Variants in APLF observed in about 807,000 individuals in gnomAD.
APLF encodes the protein aprataxin and PNK-like factor.
APLF carries 61 observed loss-of-function variants against 55.6 expected under a neutral mutation model. The ratio of observed to expected loss-of-function variants is 1.10; its 90% CI spans 0.89 to 1.36. The LOEUF is 1.36. Ranked by LOEUF, APLF falls within the 40% of genes most tolerant of loss-of-function variation. The pLI is 0.00. For synonymous variants in APLF, 207 were observed against 214.8 expected (o/e 0.96, Z 0.32); for missense variants, 611 against 602.5 (o/e 1.01, Z -0.15).
At chr2:68,500,327 A>T (rs1676681846) in intron 2 of APLF, among the ~76,000 whole-genome samples, 1 of 152,214 alleles carries the variant, frequency 6.6e-6, no homozygotes, top group African/African-American at 2.4e-5. Flanking sequence ...GACCATACTC[A>T]TGGGTTCACT....
intron 1 of APLF, among the ~76,000 whole-genome samples, chr2:68,488,505 T>G (rs1676257081): frequency 1.3e-5 from 2 of 151,774 alleles, no homozygotes; most frequent in African/African-American, 4.9e-5. Context: ...CCAGCTAATT[T>G]TTTACTTTAT....
At chr2:68,527,021 G>A (rs1489161314) in intron 6 of APLF, among the ~76,000 whole-genome samples, 4 of 152,242 alleles carry the variant, frequency 2.6e-5, no homozygotes, top group Non-Finnish European at 5.9e-5. Context: ...TTGCGCAGTA[G>A]CTGGGCAGAG....
In APLF at chr2:68,480,302, C is replaced by CT. The variant is rs539696340; in HGVS notation, c.97-9875dup. Among the ~76,000 whole-genome samples, 470 of 141,038 alleles carry CT rather than the reference C, an allele frequency of 3.3e-3. 1 individual carries two copies. Among genetic ancestry groups the CT allele is most frequent in the African/African-American group, 6.0e-3 (231 of 38,344 alleles). 92.5% of individuals were successfully genotyped at this position (141,038 alleles called of 152,430 possible). A position where few individuals can be genotyped will look rare whatever the true frequency, so the allele number is the denominator to read the frequency against. ...TCCATTTAGATGCCCTTTCTTTTTC[C>CT]TTTTTTTTTTTTTGTTTTTTGAGAC... On this transcript the variant is annotated intron_variant, in intron 1 of 9. Coordinates refer to ENST00000303795, the MANE Select transcript of APLF (RefSeq NM_173545.3).
rs150386478 is a variant in APLF at position 68,572,646 on chromosome 2, G to A, written c.1334-5174G>A. ...AGCCCAGGAGTTCATGACCAGCCTG[G>A]GCAACAGAGTGAGACCACATCTCTA... On this transcript the variant is annotated intron_variant, in intron 9 of 9. Coordinates refer to ENST00000303795, the MANE Select transcript of APLF (RefSeq NM_173545.3). Among the ~76,000 whole-genome samples, 566 of 152,104 alleles carry A rather than the reference G, an allele frequency of 3.7e-3. 6 individuals are homozygous for A. The highest frequency in any genetic ancestry group is 0.013 in the African/African-American group (536 of 41,478).
intron 6 of APLF, among the ~76,000 whole-genome samples, chr2:68,534,623 G>A (rs564825219): frequency 7.2e-4 from 110 of 152,126 alleles, no homozygotes; most frequent in Admixed American, 2.0e-3. Context: ...ATGCTCTTCC[G>A]TCCCTCAGGT....
chr2:68,525,742 C>CTTTCTTTTTTTTTTTTTTTTTTTTTTTT (rs1670022603), intron 5 of APLF, among the ~76,000 whole-genome samples: 1 of 82,036 alleles, frequency 1.2e-5, no homozygotes, highest in African/African-American at 6.2e-5. Context: ...TTCTTTCTTT[C>CTTTCTTTTTTTTTTTTTTTTTTTTTTTT]TTTTTTTTTT....
chr2:68,517,878 A>G (rs563373221), intron 5 of APLF, among the ~76,000 whole-genome samples: 1 of 144,754 alleles, frequency 6.9e-6, no homozygotes, highest in Admixed American at 7.0e-5. Flanking sequence ...TAGCAGTAAT[A>G]TATCACTAAT....
At chr2:68,568,632 C>G (rs909543202) in intron 9 of APLF, among the ~76,000 whole-genome samples, 54 of 152,080 alleles carry the variant, frequency 3.6e-4, no homozygotes, top group African/African-American at 1.3e-3. Flanking sequence ...TTGTCCCATG[C>G]AAGAGCATTT....
chr2:68,494,406 G>T (rs897941874), intron 2 of APLF, among the ~76,000 whole-genome samples: 12 of 151,932 alleles, frequency 7.9e-5, no homozygotes. Context: ...TTCAATCATG[G>T]CAGAAGGCAA....
At chr2:68,496,901 C>T (rs939128693) in intron 2 of APLF, among the ~76,000 whole-genome samples, 1 of 152,156 alleles carries the variant, frequency 6.6e-6, no homozygotes, top group Non-Finnish European at 1.5e-5. Context: ...CTAAGAAATT[C>T]CAAACTTTCT....
intron 9 of APLF, among the ~76,000 whole-genome samples, chr2:68,572,739 T>A (rs1671503123): frequency 6.6e-6 from 1 of 152,138 alleles, no homozygotes; most frequent in South Asian, 2.1e-4. Context: ...CTTGGGAGAC[T>A]GAGGTGGGAG....
chr2:68,554,161 T>C (rs189391355), intron 8 of APLF, among the ~76,000 whole-genome samples: 1 of 152,052 alleles, frequency 6.6e-6, no homozygotes, highest in East Asian at 1.9e-4. Flanking sequence ...TATATTTCAT[T>C]TGTAGCCATT....
Position 68,467,786 on chromosome 2 carries a change from G to A in APLF, c.55G>A (p.Ala19Thr). The A allele has an allele frequency of 5.7e-6, 7 of 1,234,286 alleles. No homozygotes were observed. Among genetic ancestry groups the A allele is most frequent in the Non-Finnish European group, 7.1e-6 (7 of 988,142 alleles). 76.5% of individuals were successfully genotyped at this position (1,234,286 alleles called of 1,614,324 possible). ...PRDGGPRVAL[A>T]PGETVIGRGP... The stretch of plus-strand genomic sequence containing the variant: ...GGACGGCGGTCCCCGGGTGGCCCTG[G>A]CGCCCGGGGAGACGGTGATCGGCCG... The change falls in exon 1 of 10, where the codon GCG (alanine) becomes ACG (threonine). Residue 19 changes from alanine to threonine, a missense_variant. Physicochemically the swap from Ala to Thr is moderately conservative, Grantham distance 58. Coordinates refer to ENST00000303795, the MANE Select transcript of APLF (RefSeq NM_173545.3).
intron 7 of APLF, 117 bp downstream of exon 7, chr2:68,538,344 C>A: frequency 2.3e-6 from 2 of 864,330 alleles, no homozygotes; most frequent in African/African-American, 1.7e-5. Context: ...AGGTTAGGGG[C>A]TTTATCGTGT....
At chr2:68,564,609 G>A (rs1671249443) in intron 8 of APLF, among the ~76,000 whole-genome samples, 1 of 152,040 alleles carries the variant, frequency 6.6e-6, no homozygotes, top group South Asian at 2.1e-4. Flanking sequence ...ATTATCTCAT[G>A]AATCCTCACA....
chr2:68,519,041 T>TAATAATATATAATATATTATTAATATAC (rs1368068693), intron 5 of APLF, among the ~76,000 whole-genome samples: 2 of 126,284 alleles, frequency 1.6e-5, no homozygotes, highest in African/African-American at 3.0e-5. Flanking sequence ...GATTAATATA[T>TAATAATATATAATATATTATTAATATAC]AATAATATAA....
chr2:68,556,493 G>T (rs1671014643), intron 8 of APLF, among the ~76,000 whole-genome samples: 1 of 152,176 alleles, frequency 6.6e-6, no homozygotes, highest in South Asian at 2.1e-4. Context: ...TAGAACATTG[G>T]ATACTTAATG....
chr2:68,543,600 G>A (rs1053760097), intron 7 of APLF, among the ~76,000 whole-genome samples: 34 of 152,206 alleles, frequency 2.2e-4, no homozygotes, highest in Middle Eastern at 3.4e-3. Flanking sequence ...ATATCCCCAG[G>A]AAAATGCATA....
At chr2:68,563,253 C>G in intron 8 of APLF, 1 of 985,184 alleles carries the variant, frequency 1.0e-6, no homozygotes, top group African/African-American at 1.7e-5. Flanking sequence ...CAGATGAAAA[C>G]CTGTACATGT....
Sources: gnomAD v4.1 joint callset for allele counts (sites outside exome capture counted in the v4.1 genomes callset) on GRCh38, gnomAD v4.1.1 for gene constraint, MANE v1.5 for transcripts, NCBI Gene and HGNC (gene_info 2026-07-23, HGNC 2026-07-21) for gene names.